Variants in MYO1D observed in about 807,000 individuals in gnomAD.
MYO1D encodes the protein myosin ID, also known as unconventional myosin-Id.
MYO1D carries 83 observed loss-of-function variants against 122.0 expected under a neutral mutation model. The ratio of observed to expected loss-of-function variants is 0.68; its 90% CI spans 0.57 to 0.82. The LOEUF (loss-of-function observed/expected upper bound fraction) is 0.82, where lower values mean the gene tolerates loss of function less well. Ranked by LOEUF, MYO1D falls within the 40% of genes least tolerant of loss-of-function variation. The pLI is 0.00. For missense variants in MYO1D, 1,157 were observed against 1,269.5 expected (o/e 0.91, Z 1.35); for synonymous variants, 464 against 446.9 (o/e 1.04, Z -0.48).
intron 16 of MYO1D, among the ~76,000 whole-genome samples, chr17:32,673,021 T>C (rs2088743996): frequency 1.3e-5 from 2 of 151,544 alleles, no homozygotes; most frequent in South Asian, 4.2e-4. Context: ...AAAGTCTCTT[T>C]ATTGGTTAGT....
At chr17:32,533,675 C>T (rs1003812301) in intron 21 of MYO1D, among the ~76,000 whole-genome samples, 2 of 152,150 alleles carry the variant, frequency 1.3e-5, no homozygotes, top group African/African-American at 4.8e-5. Flanking sequence ...CCTGCTCCTT[C>T]CCAGCTCTCC....
intron 1 of MYO1D, among the ~76,000 whole-genome samples, chr17:32,830,796 ATGCCTG>A (rs1351966009): frequency 6.6e-6 from 1 of 152,248 alleles, no homozygotes; most frequent in African/African-American, 2.4e-5. Flanking sequence ...GCGGTGGCTC[ATGCCTG>A]TAATCCCAGC....
intron 16 of MYO1D, among the ~76,000 whole-genome samples, chr17:32,693,356 A>C (rs1055035707): frequency 6.6e-6 from 1 of 151,556 alleles, no homozygotes; most frequent in African/African-American, 2.4e-5. Flanking sequence ...CTCAAGAGAG[A>C]AGTGTCTTGG....
chr17:32,704,836 G>C (rs2089286812), intron 16 of MYO1D, among the ~76,000 whole-genome samples: 1 of 152,028 alleles, frequency 6.6e-6, no homozygotes. Flanking sequence ...AATGTGTAGA[G>C]AGTAAAGATA....
At chr17:32,815,417 T>G (rs1422961013) in intron 1 of MYO1D, among the ~76,000 whole-genome samples, 1 of 152,202 alleles carries the variant, frequency 6.6e-6, no homozygotes. Flanking sequence ...CATTCCAAAC[T>G]TGTGGCTCAA....
intron 16 of MYO1D, among the ~76,000 whole-genome samples, chr17:32,675,431 G>A (rs1364199123): frequency 6.6e-6 from 1 of 152,092 alleles, no homozygotes; most frequent in Non-Finnish European, 1.5e-5. Context: ...TCTTGTGCTT[G>A]TATTACCTCA....
intron 1 of MYO1D, among the ~76,000 whole-genome samples, chr17:32,872,783 G>A (rs545142821): frequency 2.6e-3 from 385 of 146,036 alleles, no homozygotes; most frequent in African/African-American, 9.1e-3. Context: ...TGCAAGCTCC[G>A]CTTCCCGGGT....
chr17:32,728,111 C>A (rs930295657), intron 14 of MYO1D, among the ~76,000 whole-genome samples: 1 of 151,952 alleles, frequency 6.6e-6, no homozygotes, highest in Non-Finnish European at 1.5e-5. Context: ...AAACACCTTT[C>A]AATGTTTACA....
At chr17:32,625,715 G>C (rs971121847) in intron 20 of MYO1D, among the ~76,000 whole-genome samples, 4 of 152,086 alleles carry the variant, frequency 2.6e-5, no homozygotes, top group Non-Finnish European at 5.9e-5. Context: ...ATTTTTTGTA[G>C]AGATGGGGTT....
intron 20 of MYO1D, among the ~76,000 whole-genome samples, chr17:32,624,812 C>T (rs1464087873): frequency 6.8e-6 from 1 of 146,914 alleles, no homozygotes; most frequent in Non-Finnish European, 1.5e-5. Flanking sequence ...TTCTTTGAGA[C>T]AGAGTCTTGC....
chr17:32,706,396 T>C (rs1485198976), intron 16 of MYO1D, among the ~76,000 whole-genome samples: 1 of 151,998 alleles, frequency 6.6e-6, no homozygotes, highest in African/African-American at 2.4e-5. Context: ...GCATGAGCCA[T>C]TGCACCTGGC....
At chr17:32,657,410 T>G (rs933121955) in intron 17 of MYO1D, among the ~76,000 whole-genome samples, 5 of 152,260 alleles carry the variant, frequency 3.3e-5, no homozygotes, top group Admixed American at 3.3e-4. Context: ...TTTTACATTT[T>G]TACATGTTTA....
At chr17:32,543,236 GAATA>G (rs572106339) in intron 21 of MYO1D, among the ~76,000 whole-genome samples, 50 of 130,800 alleles carry the variant, frequency 3.8e-4, no homozygotes, top group Non-Finnish European at 7.3e-4. Flanking sequence ...AAAAAAAAAT[GAATA>G]AATAAACAAA....
rs941588741 is a variant in MYO1D, at chr17:32,782,245, AT to A, written c.96-1462del. Among the ~76,000 whole-genome samples, 52 of 152,370 alleles carry A rather than the reference AT, an allele frequency of 3.4e-4. 1 individual carries two copies. The highest frequency in any genetic ancestry group is 9.6e-4 in the African/African-American group (40 of 41,588). On this transcript the variant is annotated intron_variant, in intron 1 of 21. Coordinates refer to ENST00000318217, the MANE Select transcript of MYO1D (RefSeq NM_015194.3). ...AAGTATTTAGAGTATTTTAACAGTT[AT>A]TAACTACTTCAAGGTTTTCAGTGCA...
intron 1 of MYO1D, among the ~76,000 whole-genome samples, chr17:32,784,919 A>G (rs917454074): frequency 6.6e-6 from 1 of 152,198 alleles, no homozygotes; most frequent in African/African-American, 2.4e-5. Flanking sequence ...GGAAATGTAC[A>G]TGGGGGTCAG....
At chr17:32,788,323 G>T (rs1465963391) in intron 1 of MYO1D, among the ~76,000 whole-genome samples, 2 of 152,008 alleles carry the variant, frequency 1.3e-5, no homozygotes, top group Admixed American at 1.3e-4. Flanking sequence ...ATTTTTTGTT[G>T]CATTTGCTTT....
At chr17:32,830,951 G>A (rs1057504710) in intron 1 of MYO1D, among the ~76,000 whole-genome samples, 1 of 152,054 alleles carries the variant, frequency 6.6e-6, no homozygotes, top group Non-Finnish European at 1.5e-5. Flanking sequence ...AGCTACTTGG[G>A]AGGCTGAGGC....
chr17:32,582,894 T>A (rs1279162329), intron 21 of MYO1D, among the ~76,000 whole-genome samples: 1 of 152,180 alleles, frequency 6.6e-6, no homozygotes, highest in Admixed American at 6.5e-5. Flanking sequence ...TTACTATTAT[T>A]TTTAAAACAG....
At chr17:32,666,645 C>T (rs184534424) in intron 16 of MYO1D, among the ~76,000 whole-genome samples, 20 of 152,174 alleles carry the variant, frequency 1.3e-4, no homozygotes, top group Non-Finnish European at 2.2e-4. Flanking sequence ...ATGTATCTTC[C>T]GTTTCGTCTC....
Sources: gnomAD v4.1 joint callset for allele counts (sites outside exome capture counted in the v4.1 genomes callset) on GRCh38, gnomAD v4.1.1 for gene constraint, MANE v1.5 for transcripts, NCBI Gene and HGNC (gene_info 2026-07-23, HGNC 2026-07-21) for gene names.